CLN8: variants seen among roughly 807,000 people sequenced by gnomAD.
The protein encoded by CLN8 is CLN8 transmembrane ER and ERGIC protein.
CLN8 carries 14 observed loss-of-function variants against 15.7 expected under a neutral mutation model. The ratio of observed to expected loss-of-function variants is 0.89; its 90% CI spans 0.59 to 1.39. The LOEUF (loss-of-function observed/expected upper bound fraction) is 1.39. Among genes scored for constraint, CLN8 ranks in the 40% most tolerant of loss-of-function variants. The pLI, the probability that CLN8 is intolerant of heterozygous loss-of-function variation, is 0.00. For synonymous variants in CLN8, 188 were observed against 151.0 expected (o/e 1.25, Z -1.80); for missense variants, 415 against 364.0 (o/e 1.14, Z -1.14).
upstream of CLN8, among the ~76,000 whole-genome samples, chr8:1,754,489 T>C (rs976276776): frequency 2.0e-5 from 3 of 152,238 alleles, no homozygotes; most frequent in African/African-American, 4.8e-5. Context: ...TCAACATGTC[T>C]ATCAGCCTGA....
At chr8:1,777,672 G>T (rs1167353307) in intron 2 of CLN8, among the ~76,000 whole-genome samples, 2 of 151,902 alleles carry the variant, frequency 1.3e-5, no homozygotes, top group Non-Finnish European at 2.9e-5. Context: ...ATCCAGCCCT[G>T]CACAGGGTCA....
rs7827009 is a variant in CLN8 at position 1,784,414 on chromosome 8, C to G, written c.*3847C>G. ...CGTGGTGGAGGGGATGGAAGGTCAA[C>G]AGGCCTCAGCTAGTTCTCCGCTGCC... On this transcript the variant is annotated 3_prime_UTR_variant, in exon 3 of 3. Coordinates refer to ENST00000331222, the MANE Select transcript of CLN8 (RefSeq NM_018941.4). 127,683 of 152,294 alleles carry G rather than the reference C, an allele frequency of 0.84. 53,945 individuals carry two copies. Among genetic ancestry groups the G allele is most frequent in the African/African-American group, 0.91 (37,799 of 41,504 alleles). 9.4% of individuals were successfully genotyped at this position (152,294 alleles called of 1,614,324 possible). A position where few individuals can be genotyped will look rare whatever the true frequency, so the allele number is the denominator to read the frequency against.
intron 1 of CLN8, chr8:1,764,674 G>C (rs979027441): frequency 1.3e-5 from 2 of 153,254 alleles, no homozygotes; most frequent in African/African-American, 4.8e-5. Context: ...GCGGGGGAGA[G>C]AGCGGGCGCT....
chr8:1,775,306 C>T (rs1179619576), intron 2 of CLN8, among the ~76,000 whole-genome samples: 1 of 152,134 alleles, frequency 6.6e-6, no homozygotes. Context: ...GGGACTTGAG[C>T]ATCCGTGGCT....
upstream of CLN8, among the ~76,000 whole-genome samples, chr8:1,755,083 C>T (rs951786802): frequency 2.0e-5 from 3 of 152,160 alleles, no homozygotes; most frequent in Non-Finnish European, 4.4e-5. Context: ...CAGGTTGAGT[C>T]TATCAAGACC....
intron 2 of CLN8, chr8:1,779,917 G>C: frequency 5.1e-6 from 5 of 981,252 alleles, no homozygotes; most frequent in Non-Finnish European, 6.1e-6. Context: ...CTTAATATGA[G>C]AAAATTCAAG....
At chr8:1,756,497 G>T (rs1349602011) in intron 1 of CLN8, among the ~76,000 whole-genome samples, 1 of 133,954 alleles carries the variant, frequency 7.5e-6, no homozygotes, top group African/African-American at 2.8e-5. Context: ...AAAAAAAAAA[G>T]AAATTTCACT....
At chr8:1,758,624 C>T (rs1054046662) in intron 1 of CLN8, 5 of 152,134 alleles carry the variant, frequency 3.3e-5, no homozygotes, top group Non-Finnish European at 4.4e-5. Context: ...TACATGTTGC[C>T]AATCGATACA....
In CLN8 at chr8:1,771,107, A is replaced by G. The variant is rs142104002; in HGVS notation, c.53A>G (p.Tyr18Cys). The change falls in exon 2 of 3, where the codon TAT (tyrosine) becomes TGT (cysteine). Residue 18 changes from tyrosine to cysteine, a missense_variant. Coordinates refer to ENST00000331222, the MANE Select transcript of CLN8 (RefSeq NM_018941.4). ...TCAGAGAGCATTTTTGACCTGGACT[A>G]TGCATCCTGGGGGATCCGCTCCACG... ...GTSESIFDLDYASWGIRSTLM... is the reference protein window; with the variant it reads ...GTSESIFDLDCASWGIRSTLM... 6.8e-6 allele frequency: 11 copies of G among 1,613,804 alleles called. No homozygotes were observed. The highest frequency in any genetic ancestry group is 1.6e-4 in the Middle Eastern group (1 of 6,084).
chr8:1,755,379 G>T (rs567826683), upstream of CLN8, among the ~76,000 whole-genome samples: 9 of 152,208 alleles, frequency 5.9e-5, no homozygotes, highest in South Asian at 1.7e-3. Flanking sequence ...TTCCCATCCT[G>T]TTTTCTCTCA....
chr8:1,761,297 C>G (rs1563099191), upstream of CLN8, among the ~76,000 whole-genome samples: 1 of 151,474 alleles, frequency 6.6e-6, no homozygotes, highest in Non-Finnish European at 1.5e-5. Context: ...TTACTCAAAT[C>G]AATTTCCCCA....
At chr8:1,770,454 C>A (rs999226522) in intron 1 of CLN8, among the ~76,000 whole-genome samples, 2 of 152,186 alleles carry the variant, frequency 1.3e-5, no homozygotes, top group Non-Finnish European at 2.9e-5. Flanking sequence ...GTTGAGAAGG[C>A]ATTCCATGGC....
At chr8:1,774,160 TGTG>T (rs1391888796) in intron 2 of CLN8, among the ~76,000 whole-genome samples, 3 of 152,232 alleles carry the variant, frequency 2.0e-5, no homozygotes, top group African/African-American at 7.2e-5. Context: ...CCTCCCCTGG[TGTG>T]GTGGTGGAGC....
intron 2 of CLN8, among the ~76,000 whole-genome samples, chr8:1,778,338 A>G (rs991732290): frequency 3.9e-5 from 6 of 152,368 alleles, no homozygotes; most frequent in South Asian, 4.1e-4. Flanking sequence ...GAAATAAGTT[A>G]TAGTATTAAC....
Position 1,786,459 on chromosome 8 carries a change from C to G in CLN8, c.*5892C>G, listed in dbSNP as rs1801832833. The G allele has an allele frequency of 6.6e-6, 1 of 152,184 alleles. No homozygotes were observed. The highest frequency in any genetic ancestry group is 2.4e-5 in the African/African-American group (1 of 41,452). The allele number at this position is 152,184 out of a possible 1,614,324, so 9.4% of individuals were successfully genotyped here. On this transcript the variant is annotated 3_prime_UTR_variant, in exon 3 of 3. Coordinates refer to ENST00000331222, the MANE Select transcript of CLN8 (RefSeq NM_018941.4). ...ATATTTATCATTTTGAATAACTTTT[C>G]TCCTTTTTAGTAACAAAATGTACTT...
intron 1 of CLN8, chr8:1,756,153 T>C (rs1800664632): frequency 6.6e-6 from 1 of 152,210 alleles, no homozygotes; most frequent in South Asian, 2.1e-4. Context: ...CTGCCTACTT[T>C]GTAACATTCT....
At chr8:1,766,939 C>T in intron 1 of CLN8, among the ~76,000 whole-genome samples, 1 of 152,234 alleles carries the variant, frequency 6.6e-6, no homozygotes, top group East Asian at 1.9e-4. Flanking sequence ...GGCCTAGCCA[C>T]ACTTCTGTGG....
intron 2 of CLN8, among the ~76,000 whole-genome samples, chr8:1,774,348 C>T (rs1013398383): frequency 1.3e-5 from 2 of 152,184 alleles, no homozygotes; most frequent in East Asian, 3.8e-4. Context: ...AAAATTATAA[C>T]CTAAATTAAT....
In CLN8 at chr8:1,783,697, A is replaced by AG. The variant is rs1421783480; in HGVS notation, c.*3131dup. The AG allele has an allele frequency of 2.6e-5, 4 of 151,994 alleles. No individual in the cohort carries two copies. The highest frequency in any genetic ancestry group is 7.3e-5 in the African/African-American group (3 of 41,378). The allele number at this position is 151,994 out of a possible 1,614,324, so 9.4% of individuals were successfully genotyped here. On this transcript the variant is annotated 3_prime_UTR_variant, in exon 3 of 3. Transcript: ENST00000331222. Reference sequence around the variant, plus strand: ...GCTGGAGTTGTCATGGCCGCAGTTCAGTGTGAGATTTTTTACCAGGTATTG... The same window carrying AG: ...GCTGGAGTTGTCATGGCCGCAGTTCAGGTGTGAGATTTTTTACCAGGTATTG...
Sources: allele counts gnomAD v4.1 joint callset (sites outside exome capture counted in the v4.1 genomes callset), GRCh38; gene constraint gnomAD v4.1.1; transcripts MANE v1.5; gene names NCBI Gene and HGNC (gene_info 2026-07-23, HGNC 2026-07-21).